PRKAR2A: variants seen among roughly 807,000 people sequenced by gnomAD.
PRKAR2A encodes protein kinase cAMP-dependent type II regulatory subunit alpha.
A neutral mutation model predicts 51.9 loss-of-function variants in PRKAR2A; 29 were observed. That is an observed-to-expected ratio of 0.56 (90% CI 0.42 to 0.76). The LOEUF (loss-of-function observed/expected upper bound fraction) is 0.76, where lower values mean the gene tolerates loss of function less well. Ranked by LOEUF, PRKAR2A falls within the 30% of genes least tolerant of loss-of-function variation. The pLI, the probability that PRKAR2A is intolerant of heterozygous loss-of-function variation, is 0.00. For missense variants in PRKAR2A, 445 were observed against 512.1 expected, an observed-to-expected ratio of 0.87 and a Z score of 1.26; for synonymous variants, 178 against 186.2, an observed-to-expected ratio of 0.96 and a Z score of 0.36.
chr3:48,793,298 A>G (rs2082422630), intron 3 of PRKAR2A, among the ~76,000 whole-genome samples: 1 of 151,976 alleles, frequency 6.6e-6, no homozygotes, highest in South Asian at 2.1e-4. Flanking sequence ...AGTTGTTGCC[A>G]TTTTTCATTG....
chr3:48,808,202 C>G (rs1485687208), intron 1 of PRKAR2A, among the ~76,000 whole-genome samples: 1 of 151,428 alleles, frequency 6.6e-6, no homozygotes, highest in African/African-American at 2.4e-5. Flanking sequence ...CGCCCGCCAC[C>G]ATGCCCGGCT....
Position 48,757,609 on chromosome 3 carries a change from A to G in PRKAR2A, c.874-1165T>C, listed in dbSNP as rs745623192. The stretch of plus-strand genomic sequence containing the variant: ...AGCTAAAATAGAAACAAACTGAAGG[A>G]AGGAGTGTACGTGTGTTTTGAAGAC... On this transcript the variant is annotated intron_variant, in intron 8 of 10. Coordinates refer to ENST00000265563, the MANE Select transcript of PRKAR2A (RefSeq NM_004157.4). 8.5e-5 allele frequency among the ~76,000 whole-genome samples: 13 copies of G among 152,224 alleles called. 1 individual carries two copies. The highest frequency in any genetic ancestry group is 1.8e-4 in the Non-Finnish European group (12 of 68,044).
chr3:48,745,472 A>G (rs1405199167), downstream of PRKAR2A, among the ~76,000 whole-genome samples: 1 of 150,938 alleles, frequency 6.6e-6, no homozygotes, highest in Non-Finnish European at 1.5e-5. Flanking sequence ...CAGTGTGCCC[A>G]GATATTTGAT....
intron 5 of PRKAR2A, among the ~76,000 whole-genome samples, chr3:48,775,941 C>T (rs1241867101): frequency 6.6e-6 from 1 of 151,988 alleles, no homozygotes; most frequent in Non-Finnish European, 1.5e-5. Context: ...AACCCCGTCT[C>T]TCCTAAAAAT....
intron 6 of PRKAR2A, among the ~76,000 whole-genome samples, chr3:48,765,811 A>G (rs2081933009): frequency 1.3e-5 from 2 of 151,976 alleles, no homozygotes; most frequent in Non-Finnish European, 2.9e-5. Flanking sequence ...AGGATTTAAA[A>G]AAACTTAAAA....
At chr3:48,771,192 T>C (rs191371941) in intron 6 of PRKAR2A, among the ~76,000 whole-genome samples, 50 of 151,470 alleles carry the variant, frequency 3.3e-4, no homozygotes, top group Admixed American at 3.3e-3. Flanking sequence ...CAAGATCATC[T>C]CAAAAAAGAA....
At chr3:48,823,688 A>G (rs1449171586) in intron 1 of PRKAR2A, among the ~76,000 whole-genome samples, 1 of 150,882 alleles carries the variant, frequency 6.6e-6, no homozygotes, top group Non-Finnish European at 1.5e-5. Flanking sequence ...GGGGAGGCCA[A>G]GGTGGGAGGA....
chr3:48,746,201 G>A (rs751710762), downstream of PRKAR2A, among the ~76,000 whole-genome samples: 6 of 151,788 alleles, frequency 4.0e-5, no homozygotes, highest in Admixed American at 6.6e-5. Flanking sequence ...CCATAACTGT[G>A]TGAGCCAATT....
chr3:48,831,365 CT>C (rs539375236), intron 1 of PRKAR2A, among the ~76,000 whole-genome samples: 83 of 126,348 alleles, frequency 6.6e-4, no homozygotes, highest in Non-Finnish European at 5.1e-4. Context: ...TCCAAAATAT[CT>C]TTTTTTTTTT....
At chr3:48,840,695 G>C (rs1575962103) in intron 1 of PRKAR2A, among the ~76,000 whole-genome samples, 1 of 134,112 alleles carries the variant, frequency 7.5e-6, no homozygotes, top group African/African-American at 2.8e-5. Flanking sequence ...TCCTGCCTCA[G>C]CCTCCCGAGT....
At chr3:48,794,154 C>CTT (rs368082715) in intron 2 of PRKAR2A, 105 bp from the exon 3 acceptor site, 1,793 of 656,656 alleles carry the variant, frequency 2.7e-3, no homozygotes, top group East Asian at 6.0e-3. Flanking sequence ...GTTTTCTTTT[C>CTT]TTTTTTTTTT....
At chr3:48,813,677 G>C (rs935400361) in intron 1 of PRKAR2A, among the ~76,000 whole-genome samples, 3 of 151,962 alleles carry the variant, frequency 2.0e-5, no homozygotes, top group African/African-American at 7.3e-5. Flanking sequence ...CTGGGCAACA[G>C]AGCGAGACTC....
chr3:48,757,281 C>T (rs1417889479), intron 8 of PRKAR2A, among the ~76,000 whole-genome samples: 1 of 152,100 alleles, frequency 6.6e-6, no homozygotes, highest in Non-Finnish European at 1.5e-5. Flanking sequence ...ATAACATCCA[C>T]CATTTAAAGT....
intron 1 of PRKAR2A, among the ~76,000 whole-genome samples, chr3:48,816,524 G>A (rs1354757428): frequency 6.6e-6 from 1 of 152,114 alleles, no homozygotes; most frequent in Non-Finnish European, 1.5e-5. Context: ...TGTAGTCCCA[G>A]CTACTCAGAA....
chr3:48,810,500 C>T (rs190415280), intron 1 of PRKAR2A, among the ~76,000 whole-genome samples: 2 of 152,220 alleles, frequency 1.3e-5, no homozygotes, highest in Admixed American at 1.3e-4. Context: ...GTACTTGACA[C>T]AGCAAATTCA....
chr3:48,780,248 C>A (rs1226422910), intron 5 of PRKAR2A, among the ~76,000 whole-genome samples: 1 of 151,940 alleles, frequency 6.6e-6, no homozygotes, highest in Non-Finnish European at 1.5e-5. Flanking sequence ...AGACAAAAGT[C>A]TTTTCTCTGA....
chr3:48,769,768 G>A (rs1296334313), intron 6 of PRKAR2A, among the ~76,000 whole-genome samples: 1 of 151,470 alleles, frequency 6.6e-6, no homozygotes, highest in African/African-American at 2.4e-5. Flanking sequence ...GAGCCACTAC[G>A]CCCGGCAAGC....
chr3:48,768,330 T>TAGATAGATAGATAGACAGACAGAC (rs1168217616), intron 6 of PRKAR2A, among the ~76,000 whole-genome samples: 6 of 150,622 alleles, frequency 4.0e-5, no homozygotes, highest in African/African-American at 1.5e-4. Context: ...GATAGATAGA[T>TAGATAGATAGATAGACAGACAGAC]AGATAGATAG....
rs758938832 is a variant in PRKAR2A at position 48,847,445 on chromosome 3, G to A, written c.152C>T (p.Pro51Leu). 32 of 1,578,858 alleles carry A rather than the reference G, an allele frequency of 2.0e-5. No homozygotes were observed. Among genetic ancestry groups the A allele is most frequent in the Non-Finnish European group, 2.7e-5 (31 of 1,162,450 alleles). The part of the protein sequence containing the change: ...REARAPASVL[P>L]AATPRQSLGH... The stretch of plus-strand genomic sequence containing the variant: ...CAGGCTCTGGCGTGGGGTGGCGGCG[G>A]GCAGGACTGAGGCTGGGGCGCGGGC... Residue 51 changes from proline (P) to leucine (L), a missense_variant, in exon 1 of 11, where the codon CCC (proline) becomes CTC (leucine). Pro to Leu is a moderately conservative substitution (Grantham distance 98, BLOSUM62 -3). Transcript: ENST00000265563. The surrounding 1 kb of genome is among the most constrained non-coding windows in gnomAD (Gnocchi z 4.4).
Sources: gnomAD v4.1 joint callset for allele counts (sites outside exome capture counted in the v4.1 genomes callset) on GRCh38, gnomAD v4.1.1 for gene constraint, Gnocchi (gnomAD v3.1) non-coding constraint, MANE v1.5 for transcripts, NCBI Gene and HGNC (gene_info 2026-07-23, HGNC 2026-07-21) for gene names.